Variants in HMGB2 observed in about 807,000 individuals in gnomAD.
The protein encoded by HMGB2 is high mobility group protein B2.
HMGB2 carries 2 observed loss-of-function variants against 23.0 expected under a neutral mutation model. The observed-to-expected ratio is 0.09, with a 90% CI of 0.04 to 0.27. The LOEUF (loss-of-function observed/expected upper bound fraction) is 0.27. HMGB2 is among the 10% of genes least tolerant of loss of function. The pLI, the probability that HMGB2 is intolerant of heterozygous loss-of-function variation, is 1.00. For missense variants in HMGB2, 178 were observed against 256.5 expected, an observed-to-expected ratio of 0.69 and a Z score of 2.09; for synonymous variants, 99 against 87.5, an observed-to-expected ratio of 1.13 and a Z score of -0.73.
rs1035340626 is a variant in HMGB2, at chr4:173,331,983, G to T, written c.*97C>A. 2.1e-5 allele frequency: 32 copies of T among 1,534,474 alleles called. 2 individuals are homozygous for T. In the Middle Eastern group the frequency reaches 9.5e-4, roughly 46 times the overall value. ...CAAAAATCTGTACAGTTTTTATACT[G>T]AAGCTAGTATTGAGCTGCACTTGAA... On this transcript the variant is annotated 3_prime_UTR_variant, in exon 5 of 5. Coordinates refer to ENST00000296503, the MANE Select transcript of HMGB2 (RefSeq NM_002129.4).
Position 173,331,393 on chromosome 4 carries a change from T to TAC in HMGB2, c.*686_*687insGT, listed in dbSNP as rs1233889162. Among the ~76,000 whole-genome samples the TAC allele has an allele frequency of 4.9e-5, 7 of 142,102 alleles. No individual in the cohort carries two copies. Among genetic ancestry groups the TAC allele is most frequent in the Admixed American group, 2.1e-4 (3 of 14,408 alleles). The allele number at this position is 142,102 out of a possible 152,430, so 93.2% of individuals were successfully genotyped here. A position where few individuals can be genotyped will look rare whatever the true frequency, so the allele number is the denominator to read the frequency against. On this transcript the variant is annotated 3_prime_UTR_variant, in exon 5 of 5. Transcript: ENST00000296503. ...ATATATACATATATATATATATATA[T>TAC]ATGTATATATATATACACACACCTG...
In HMGB2 at chr4:173,333,327, G is replaced by A; in HGVS notation, c.151-113C>T. 6 of 1,388,940 alleles carry A rather than the reference G, an allele frequency of 4.3e-6. No homozygotes were observed. Among genetic ancestry groups the A allele is most frequent in the Middle Eastern group, 2.3e-4 (1 of 4,340 alleles). The allele number at this position is 1,388,940 out of a possible 1,614,324, so 86.0% of individuals were successfully genotyped here. On this transcript the variant is annotated intron_variant, in intron 2 of 4. Coordinates refer to ENST00000296503, the MANE Select transcript of HMGB2 (RefSeq NM_002129.4). The surrounding 1 kb of genome is among the most constrained non-coding windows in gnomAD (Gnocchi z 4.6). ...TTTTCCTTAACAGCATTTTGCTTTCGAAGTCTTATATAAGTAAAAACCTAA... is the reference window on the plus strand; with the variant it reads ...TTTTCCTTAACAGCATTTTGCTTTCAAAGTCTTATATAAGTAAAAACCTAA...
At chr4:173,332,706 T>G in intron 4 of HMGB2, 115 bp downstream of exon 4, 1 of 965,038 alleles carries the variant, frequency 1.0e-6, no homozygotes, top group East Asian at 2.4e-5. Flanking sequence ...TCATTAGGCC[T>G]TTTCAAAACA....
chr4:173,333,247 C>G lies in HMGB2; in HGVS notation c.151-33G>C, dbSNP rs1249503241. On this transcript the variant is annotated intron_variant, in intron 2 of 4. Coordinates refer to ENST00000296503, the MANE Select transcript of HMGB2 (RefSeq NM_002129.4). The surrounding 1 kb of genome is among the most constrained non-coding windows in gnomAD (Gnocchi z 4.6). ...CATAAAATAAGAGCCAAAAATACAGCAAAATTGTTACCTATAAACATCCAA... is the reference window on the plus strand; with the variant it reads ...CATAAAATAAGAGCCAAAAATACAGGAAAATTGTTACCTATAAACATCCAA... The G allele has an allele frequency of 6.9e-6, 11 of 1,596,210 alleles. No individual in the cohort carries two copies. The highest frequency in any genetic ancestry group is 8.5e-6 in the Non-Finnish European group (10 of 1,172,524).
intron 4 of HMGB2, 31 bp from the exon 5 acceptor site, chr4:173,332,269 G>T: frequency 1.3e-6 from 2 of 1,510,282 alleles, no homozygotes; most frequent in South Asian, 1.3e-5. Flanking sequence ...TAAAGCATCC[G>T]GTATCATTAC....
In HMGB2 at chr4:173,333,763, C is replaced by A; in HGVS notation, c.-20-94G>T. On this transcript the variant is annotated intron_variant, in intron 1 of 4. Coordinates refer to ENST00000296503, the MANE Select transcript of HMGB2 (RefSeq NM_002129.4). The surrounding 1 kb of genome is among the most constrained non-coding windows in gnomAD (Gnocchi z 4.6). ...CGCTGGCGGGGCTCCGCTTCCCGCCCAAATCCGCTCCCGCCCTGCCCGCGC... is the reference window on the plus strand; with the variant it reads ...CGCTGGCGGGGCTCCGCTTCCCGCCAAAATCCGCTCCCGCCCTGCCCGCGC... The A allele has an allele frequency of 3.0e-6, 3 of 994,952 alleles. No homozygotes were observed. The highest frequency in any genetic ancestry group is 2.8e-6 in the Non-Finnish European group (2 of 714,728). The allele number at this position is 994,952 out of a possible 1,614,324, so 61.6% of individuals were successfully genotyped here. A position where few individuals can be genotyped will look rare whatever the true frequency, so the allele number is the denominator to read the frequency against.
Position 173,331,716 on chromosome 4 carries a change from T to TATTACAAA in HMGB2, c.*356_*363dup, listed in dbSNP as rs1738101180. 6.0e-6 allele frequency: 1 copy of TATTACAAA among 167,858 alleles called. No homozygotes were observed. The highest frequency in any genetic ancestry group is 2.4e-5 in the African/African-American group (1 of 41,854). The allele number at this position is 167,858 out of a possible 1,614,324, so 10.4% of individuals were successfully genotyped here. On this transcript the variant is annotated 3_prime_UTR_variant, in exon 5 of 5. Coordinates refer to ENST00000296503, the MANE Select transcript of HMGB2 (RefSeq NM_002129.4). Reference sequence around the variant, plus strand: ...ACAATAGAAATAATATACATAATTTTATTACAAAATTTTTTTTAAAAAAAC... The same window carrying TATTACAAA: ...ACAATAGAAATAATATACATAATTTTATTACAAAATTACAAAATTTTTTTTAAAAAAAC...
chr4:173,331,987 C>A lies in HMGB2; in HGVS notation c.*93G>T. The A allele has an allele frequency of 6.4e-7, 1 of 1,556,138 alleles. No homozygotes were observed. The highest frequency in any genetic ancestry group is 8.7e-7 in the Non-Finnish European group (1 of 1,145,850). ...AATCTGTACAGTTTTTATACTGAAG[C>A]TAGTATTGAGCTGCACTTGAATTCA... On this transcript the variant is annotated 3_prime_UTR_variant, in exon 5 of 5. Coordinates refer to ENST00000296503, the MANE Select transcript of HMGB2 (RefSeq NM_002129.4).
intron 4 of HMGB2, chr4:173,332,566 AAC>A (rs1331844992): frequency 1.0e-5 from 5 of 483,850 alleles, no homozygotes; most frequent in Admixed American, 3.7e-5. Flanking sequence ...AAAAAAAAAT[AAC>A]AGACTATACA....
chr4:173,331,914 A>AT lies in HMGB2; in HGVS notation c.*165dup. ...AGCCCATCAAAAAGCTACAACCTGC[A>AT]TTTTTTAAAAGTATTTTCTCTACAG... On this transcript the variant is annotated 3_prime_UTR_variant, in exon 5 of 5. Transcript: ENST00000296503. 1 of 1,005,172 alleles carries AT rather than the reference A, an allele frequency of 9.9e-7. No individual in the cohort carries two copies. The highest frequency in any genetic ancestry group is 1.4e-6 in the Non-Finnish European group (1 of 699,250). The allele number at this position is 1,005,172 out of a possible 1,614,324, so 62.3% of individuals were successfully genotyped here.
Position 173,331,926 on chromosome 4 carries a change from T to C in HMGB2, c.*154A>G. On this transcript the variant is annotated 3_prime_UTR_variant, in exon 5 of 5. Transcript: ENST00000296503. ...AGCTACAACCTGCATTTTTTAAAAGTATTTTCTCTACAGAGAATCTTATCA... is the reference window on the plus strand; with the variant it reads ...AGCTACAACCTGCATTTTTTAAAAGCATTTTCTCTACAGAGAATCTTATCA... The C allele has an allele frequency of 9.0e-7, 1 of 1,117,158 alleles. No homozygotes were observed. Among genetic ancestry groups the C allele is most frequent in the Non-Finnish European group, 1.3e-6 (1 of 798,256 alleles). The allele number at this position is 1,117,158 out of a possible 1,614,324, so 69.2% of individuals were successfully genotyped here.
rs1738149718 is a variant in HMGB2, at chr4:173,333,105, C to G, written c.260G>C (p.Gly87Ala). ...NYVPPKGDKKGKKKDPNAPKR... is the reference protein window; with the variant it reads ...NYVPPKGDKKAKKKDPNAPKR... ...AGGAGCATTGGGGTCCTTTTTCTTC[C>G]CCTTCTTATCACCTTTGGGAGGAAC... Residue 87 changes from glycine to alanine, a missense_variant, in exon 3 of 5, where the codon GGG becomes GCG. Physicochemically the swap from Gly to Ala is moderately conservative, Grantham distance 60. This residue lies in a region of HMGB2 where 90 missense variants were observed against 114.4 expected (regional missense o/e 0.79). Coordinates refer to ENST00000296503, the MANE Select transcript of HMGB2 (RefSeq NM_002129.4). The surrounding 1 kb of genome is among the most constrained non-coding windows in gnomAD (Gnocchi z 4.6). 6.2e-7 allele frequency: 1 copy of G among 1,613,894 alleles called. No homozygotes were observed.
At position 173,333,770 on chromosome 4, in the gene HMGB2, G is replaced by A; in HGVS notation, c.-20-101C>T. The A allele has an allele frequency of 2.3e-6, 2 of 888,814 alleles. No homozygotes were observed. The highest frequency in any genetic ancestry group is 3.1e-6 in the Non-Finnish European group (2 of 636,840). 55.1% of individuals were successfully genotyped at this position (888,814 alleles called of 1,614,324 possible). ...GGGGCTCCGCTTCCCGCCCAAATCC[G>A]CTCCCGCCCTGCCCGCGCCCCCCTC... is the stretch of plus-strand genomic sequence containing the variant. On this transcript the variant is annotated intron_variant, in intron 1 of 4. Transcript: ENST00000296503. This position sits in a 1 kb window ranked among gnomAD's most constrained non-coding sequence, Gnocchi z 4.6.
chr4:173,331,598 CT>C lies in HMGB2; in HGVS notation c.*481del, dbSNP rs1375618848. 6.6e-6 allele frequency: 1 copy of C among 151,920 alleles called. No homozygotes were observed. Among genetic ancestry groups the C allele is most frequent in the Non-Finnish European group, 1.5e-5 (1 of 68,216 alleles). 9.4% of individuals were successfully genotyped at this position (151,920 alleles called of 1,614,324 possible). On this transcript the variant is annotated 3_prime_UTR_variant, in exon 5 of 5. Transcript: ENST00000296503. Reference sequence around the variant, plus strand: ...TTACTAGGTCAACTGTGTCTAAGAACTACTAGGCAGAAATACCGAAAAAAAT... The same window carrying C: ...TTACTAGGTCAACTGTGTCTAAGAACACTAGGCAGAAATACCGAAAAAAAT...
At chr4:173,332,275 A>T in intron 4 of HMGB2, 37 bp from the exon 5 acceptor site, 1 of 1,475,242 alleles carries the variant, frequency 6.8e-7, no homozygotes, top group African/African-American at 1.4e-5. Flanking sequence ...ATCCGGTATC[A>T]TTACTCAACT....
intron 4 of HMGB2, chr4:173,332,462 A>G: frequency 1.9e-6 from 1 of 526,018 alleles, no homozygotes; most frequent in Non-Finnish European, 3.3e-6. Context: ...CACTACCAAT[A>G]CCCTTTTACA....
rs1738171019 is a variant in HMGB2 at position 173,333,775 on chromosome 4, C to G, written c.-20-106G>C. On this transcript the variant is annotated intron_variant, in intron 1 of 4. Coordinates refer to ENST00000296503, the MANE Select transcript of HMGB2 (RefSeq NM_002129.4). The surrounding 1 kb of genome is among the most constrained non-coding windows in gnomAD (Gnocchi z 4.6). ...TCCGCTTCCCGCCCAAATCCGCTCC[C>G]GCCCTGCCCGCGCCCCCCTCCTCCC... The G allele has an allele frequency of 8.7e-6, 7 of 801,376 alleles. No individual in the cohort carries two copies. The highest frequency in any genetic ancestry group is 1.2e-5 in the Non-Finnish European group (7 of 566,402). 49.6% of individuals were successfully genotyped at this position (801,376 alleles called of 1,614,324 possible). A position where few individuals can be genotyped will look rare whatever the true frequency, so the allele number is the denominator to read the frequency against.
rs1406129025 is a variant in HMGB2, at chr4:173,333,815, A to C, written c.-20-146T>G. The C allele has an allele frequency of 1.1e-5, 4 of 362,070 alleles. No individual in the cohort carries two copies. Among genetic ancestry groups the C allele is most frequent in the Non-Finnish European group, 8.2e-6 (2 of 244,744 alleles). The allele number at this position is 362,070 out of a possible 1,614,324, so 22.4% of individuals were successfully genotyped here. Reference sequence around the variant, plus strand: ...CCCCTCCTCCCGAGGGCGTCCTCCCAAGGGCGGCCGCCCGCGCCCCCGCCC... The same window carrying C: ...CCCCTCCTCCCGAGGGCGTCCTCCCCAGGGCGGCCGCCCGCGCCCCCGCCC... On this transcript the variant is annotated intron_variant, in intron 1 of 4. Coordinates refer to ENST00000296503, the MANE Select transcript of HMGB2 (RefSeq NM_002129.4). The surrounding 1 kb of genome is among the most constrained non-coding windows in gnomAD (Gnocchi z 4.6).
At position 173,332,859 on chromosome 4, in the gene HMGB2, C is replaced by G. The variant is rs1738141573; in HGVS notation, c.433G>C (p.Glu145Gln). ...TCCTTTAGCTTAGCTGCTTTCTGTT[C>G]ATATGGTTGTTTATCTTTGGCTGAC... ...EQSAKDKQPY[E>Q]QKAAKLKEKY... is the part of the protein sequence containing the mutation. Residue 145 changes from glutamate (E) to glutamine (Q), a missense_variant, in exon 4 of 5, where the codon GAA (glutamate) becomes CAA (glutamine). By Grantham distance (29) the Glu-to-Gln change is conservative (BLOSUM62 2). This residue lies in a region of HMGB2 where 43 missense variants were observed against 103.3 expected (regional missense o/e 0.42). Transcript: ENST00000296503. The G allele has an allele frequency of 6.2e-7, 1 of 1,614,028 alleles. No homozygotes were observed. The highest frequency in any genetic ancestry group is 8.5e-7 in the Non-Finnish European group (1 of 1,180,022).
Sources: allele counts gnomAD v4.1 joint callset (sites outside exome capture counted in the v4.1 genomes callset), GRCh38; gene constraint gnomAD v4.1.1; regional missense constraint gnomAD v4.1.1; non-coding constraint Gnocchi (gnomAD v3.1); transcripts MANE v1.5; gene names NCBI Gene and HGNC (gene_info 2026-07-23, HGNC 2026-07-21).